The following LEP variants were observed in gnomAD, a reference collection of about 807,000 sequenced individuals.
LEP encodes the protein leptin, also known as leptin (murine obesity homolog).
Under a neutral mutation model 9.8 loss-of-function variants are expected in LEP, and 6 were observed. The observed-to-expected ratio is 0.61, with a 90% confidence interval of 0.34 to 1.21. The LOEUF is 1.21. LEP is among the 50% of genes most tolerant of loss of function. The probability of loss-of-function intolerance (pLI) is 0.04; values close to 1 mark genes in which losing one functional copy is unlikely to be tolerated. For missense variants in LEP, 134 were observed against 198.1 expected (o/e 0.68, Z 1.94); for synonymous variants, 112 against 81.7 (o/e 1.37, Z -2.00).
intron 1 of LEP, among the ~76,000 whole-genome samples, chr7:128,251,512 C>A (rs775322028): frequency 1.3e-5 from 2 of 152,180 alleles, no homozygotes; most frequent in Non-Finnish European, 2.9e-5. Context: ...TTTCACAACA[C>A]CTTTAAGCCC....
chr7:128,252,153 T>G lies in LEP; in HGVS notation c.135T>G (p.Ile45Met). The change falls in exon 2 of 3, where the codon ATT becomes ATG. Residue 45 changes from isoleucine (I) to methionine (M), a missense_variant. Ile to Met is a conservative substitution (Grantham distance 10). Coordinates refer to ENST00000308868, the MANE Select transcript of LEP (RefSeq NM_000230.3). ...IKTIVTRIND[I>M]SHTQSVSSKQ... is the part of the protein sequence containing the mutation. The stretch of plus-strand genomic sequence containing the variant: ...CAATTGTCACCAGGATCAATGACAT[T>G]TCACACACGGTAAGGAGAGTATGCG... 6.2e-7 allele frequency: 1 copy of G among 1,614,140 alleles called. No homozygotes were observed.
At position 128,255,825 on chromosome 7, in the gene LEP, C is replaced by T. The variant is rs1430874013; in HGVS notation, c.*1062C>T. On this transcript the variant is annotated 3_prime_UTR_variant, in exon 3 of 3. Transcript: ENST00000308868. ...GCTGACCCCAAAGAGCCTGGAGAAG[C>T]TGATGCTTTGCTTCAAATCCATCCA... is the stretch of plus-strand genomic sequence containing the variant. The T allele has an allele frequency of 6.6e-6, 1 of 152,218 alleles. No individual in the cohort carries two copies. The highest frequency in any genetic ancestry group is 1.5e-5 in the Non-Finnish European group (1 of 68,048). The allele number at this position is 152,218 out of a possible 1,614,324, so 9.4% of individuals were successfully genotyped here.
intron 2 of LEP, among the ~76,000 whole-genome samples, chr7:128,252,991 G>A (rs372521282): frequency 1.3e-5 from 2 of 152,172 alleles, no homozygotes; most frequent in Non-Finnish European, 2.9e-5. Flanking sequence ...AGGCCTCAGC[G>A]ATTAGCTGAG....
intron 1 of LEP, among the ~76,000 whole-genome samples, chr7:128,247,285 G>T (rs1795222557): frequency 6.6e-6 from 1 of 152,114 alleles, no homozygotes; most frequent in Non-Finnish European, 1.5e-5. Flanking sequence ...TCTGAGCTCA[G>T]ACTTCCAATT....
chr7:128,241,942 G>T (rs1029260848), intron 1 of LEP, among the ~76,000 whole-genome samples: 1 of 151,378 alleles, frequency 6.6e-6, no homozygotes, highest in East Asian at 1.9e-4. Context: ...TGCCTTCTTT[G>T]CAATGCATAC....
In LEP at chr7:128,254,866, C is replaced by T; in HGVS notation, c.*103C>T. ...GAGCATTGCATGGACACCCCTTATC[C>T]AGGACTCTGTCAATTTCCCTGACTC... On this transcript the variant is annotated 3_prime_UTR_variant, in exon 3 of 3. Transcript: ENST00000308868. 7.7e-7 allele frequency: 1 copy of T among 1,300,602 alleles called. No individual in the cohort carries two copies. The highest frequency in any genetic ancestry group is 1.1e-6 in the Non-Finnish European group (1 of 923,708). 80.6% of individuals were successfully genotyped at this position (1,300,602 alleles called of 1,614,324 possible).
At chr7:128,252,581 A>T (rs1164261211) in intron 2 of LEP, among the ~76,000 whole-genome samples, 1 of 151,554 alleles carries the variant, frequency 6.6e-6, no homozygotes, top group African/African-American at 2.4e-5. Context: ...ATAATAAAAA[A>T]TGTTAGCTGG....
At position 128,254,560 on chromosome 7, in the gene LEP, C is replaced by G; in HGVS notation, c.301C>G (p.Leu101Val). The G allele has an allele frequency of 6.2e-7, 1 of 1,614,202 alleles. No individual in the cohort carries two copies. Among genetic ancestry groups the G allele is most frequent in the Non-Finnish European group, 8.5e-7 (1 of 1,180,020 alleles). Reference protein sequence around the residue: ...SRNVIQISNDLENLRDLLHVL... With the variant: ...SRNVIQISNDVENLRDLLHVL... Reference sequence around the variant, plus strand: ...AAACGTGATCCAAATATCCAACGACCTGGAGAACCTCCGGGATCTTCTTCA... The same window carrying G: ...AAACGTGATCCAAATATCCAACGACGTGGAGAACCTCCGGGATCTTCTTCA... Residue 101 changes from leucine (L) to valine (V), a missense_variant, in exon 3 of 3, where the codon CTG (leucine) becomes GTG (valine). Coordinates refer to ENST00000308868, the MANE Select transcript of LEP (RefSeq NM_000230.3).
chr7:128,252,648 C>G (rs1451143720), intron 2 of LEP, among the ~76,000 whole-genome samples: 1 of 152,024 alleles, frequency 6.6e-6, no homozygotes, highest in Non-Finnish European at 1.5e-5. Context: ...GAAGGATCAC[C>G]TGAGCCTGGG....
chr7:128,244,685 A>C (rs1338120289), intron 1 of LEP, among the ~76,000 whole-genome samples: 1 of 152,238 alleles, frequency 6.6e-6, no homozygotes, highest in Non-Finnish European at 1.5e-5. Context: ...GAGGGCCACC[A>C]GGCCTCACGA....
At chr7:128,242,094 G>A (rs948816225) in intron 1 of LEP, among the ~76,000 whole-genome samples, 1 of 152,198 alleles carries the variant, frequency 6.6e-6, no homozygotes, top group South Asian at 2.1e-4. Context: ...GGGTGCCATC[G>A]CCTTTACACT....
intron 1 of LEP, among the ~76,000 whole-genome samples, chr7:128,246,420 G>C (rs1795211832): frequency 6.6e-6 from 1 of 152,136 alleles, no homozygotes; most frequent in Admixed American, 6.5e-5. Context: ...AGCCTCTCTT[G>C]CTGCCCTGTT....
intron 1 of LEP, among the ~76,000 whole-genome samples, chr7:128,246,000 G>A (rs1395787814): frequency 6.6e-6 from 1 of 152,008 alleles, no homozygotes; most frequent in African/African-American, 2.4e-5. Flanking sequence ...GAACCCGGGA[G>A]GCGGAGGTTG....
Position 128,254,651 on chromosome 7 carries a change from TG to T in LEP, c.398del (p.Gly133ValfsTer15), listed in dbSNP as rs771139087. The T allele has an allele frequency of 8.1e-6, 13 of 1,613,980 alleles. No individual in the cohort carries two copies. In the South Asian group the frequency reaches 1.4e-4, roughly 18 times the overall value. The part of the protein sequence containing the change: ...WASGLETLDS[L>X]GGVLEASGYS... ...AGTGGCCTGGAGACCTTGGACAGCC[TG>T]GGGGGTGTCCTGGAAGCTTCAGGCT... On this transcript the variant is annotated frameshift_variant, in exon 3 of 3. Transcript: ENST00000308868. LOFTEE classifies it high-confidence loss of function.
rs41457646 is a variant in LEP, at chr7:128,256,968, G to A, written c.*2205G>A. ...TGTGTGGAGATGCAGAGGTAAAAGT[G>A]TGAGCAGTGAGTTACAGCGAGAGGC... is the stretch of plus-strand genomic sequence containing the variant. On this transcript the variant is annotated 3_prime_UTR_variant, in exon 3 of 3. Coordinates refer to ENST00000308868, the MANE Select transcript of LEP (RefSeq NM_000230.3). The A allele has an allele frequency of 0.11, 17,339 of 152,552 alleles. 1,328 individuals carry two copies. Among genetic ancestry groups the A allele is most frequent in the South Asian group, 0.25 (1,183 of 4,824 alleles). The allele number at this position is 152,552 out of a possible 1,614,324, so 9.4% of individuals were successfully genotyped here.
chr7:128,254,332 G>A, intron 2 of LEP, 72 bp from the exon 3 acceptor site: 1 of 1,588,940 alleles, frequency 6.3e-7, no homozygotes, highest in Non-Finnish European at 8.6e-7. Flanking sequence ...ATGCCCACGG[G>A]GAAGGCAGAG....
chr7:128,256,534 C>T lies in LEP; in HGVS notation c.*1771C>T, dbSNP rs1333774140. 1 of 152,460 alleles carries T rather than the reference C, an allele frequency of 6.6e-6. No individual in the cohort carries two copies. Among genetic ancestry groups the T allele is most frequent in the Non-Finnish European group, 1.5e-5 (1 of 68,052 alleles). The allele number at this position is 152,460 out of a possible 1,614,324, so 9.4% of individuals were successfully genotyped here. On this transcript the variant is annotated 3_prime_UTR_variant, in exon 3 of 3. Transcript: ENST00000308868. ...CCATGTGCCAAGGTGGGGTATTTAC[C>T]ACAGCAGCTGAACAGCCAAATGCAT...
In LEP at chr7:128,255,665, G is replaced by A. The variant is rs185570072; in HGVS notation, c.*902G>A. 6.6e-6 allele frequency: 1 copy of A among 152,300 alleles called. No individual in the cohort carries two copies. The highest frequency in any genetic ancestry group is 1.9e-4 in the East Asian group (1 of 5,182). The allele number at this position is 152,300 out of a possible 1,614,324, so 9.4% of individuals were successfully genotyped here. Reference sequence around the variant, plus strand: ...TGTGTTTTCTGAATAACATTTGTGTGGTGGGTTCTTTGGAAGGAGTGAGAT... The same window carrying A: ...TGTGTTTTCTGAATAACATTTGTGTAGTGGGTTCTTTGGAAGGAGTGAGAT... On this transcript the variant is annotated 3_prime_UTR_variant, in exon 3 of 3. Transcript: ENST00000308868.
intron 1 of LEP, among the ~76,000 whole-genome samples, chr7:128,251,269 A>G (rs1795271838): frequency 1.3e-5 from 2 of 152,206 alleles, no homozygotes; most frequent in Non-Finnish European, 2.9e-5. Context: ...TCGAGGGTAG[A>G]GAGCATCTGT....
Sources: allele counts gnomAD v4.1 joint callset (sites outside exome capture counted in the v4.1 genomes callset), GRCh38; gene constraint gnomAD v4.1.1; transcripts MANE v1.5; gene names NCBI Gene and HGNC (gene_info 2026-07-23, HGNC 2026-07-21).